KLF5: variants seen among roughly 807,000 people sequenced by gnomAD.
The protein encoded by KLF5 is Krueppel-like factor 5.
KLF5 carries 9 observed loss-of-function variants against 36.9 expected under a neutral mutation model. The observed-to-expected ratio is 0.24, with a 90% confidence interval of 0.15 to 0.43. The LOEUF (loss-of-function observed/expected upper bound fraction) is 0.43, where lower values mean the gene tolerates loss of function less well. KLF5 is among the 20% of genes least tolerant of loss of function. The pLI is 1.00. For synonymous variants in KLF5, 246 were observed against 241.7 expected (o/e 1.02, Z -0.17); for missense variants, 524 against 599.5 (o/e 0.87, Z 1.31).
Position 73,062,491 on chromosome 13 carries a change from A to G in KLF5, c.892A>G (p.Thr298Ala), listed in dbSNP as rs751218090. 4 of 1,614,172 alleles carry G rather than the reference A, an allele frequency of 2.5e-6. No homozygotes were observed. Among genetic ancestry groups the G allele is most frequent in the East Asian group, 2.2e-5 (1 of 44,890 alleles). Residue 298 changes from threonine to alanine, a missense_variant, in exon 2 of 4, where the codon ACT becomes GCT. Coordinates refer to ENST00000377687, the MANE Select transcript of KLF5 (RefSeq NM_001730.5). ...MPSQFLPQQA[T>A]YFPPSPPSSE... ...AAGTCAGTTTCTTCCACAACAGGCCACTTACTTTCCCCCGTCACCACCAAG... is the reference window on the plus strand; with the variant it reads ...AAGTCAGTTTCTTCCACAACAGGCCGCTTACTTTCCCCCGTCACCACCAAG...
intron 3 of KLF5, among the ~76,000 whole-genome samples, chr13:73,072,631 T>C (rs905553338): frequency 6.6e-6 from 1 of 152,230 alleles, no homozygotes; most frequent in African/African-American, 2.4e-5. Flanking sequence ...GGATTCTTAA[T>C]GTGGAGCTCA....
intron 1 of KLF5, chr13:73,059,873 C>T (rs2044619424): frequency 4.3e-6 from 4 of 930,668 alleles, no homozygotes; most frequent in Non-Finnish European, 5.1e-6. Flanking sequence ...TCACGCGCAC[C>T]TTAGTTGTTT....
At chr13:73,057,059 G>A (rs906545274), upstream of KLF5, among the ~76,000 whole-genome samples, 1 of 151,992 alleles carries the variant, frequency 6.6e-6, no homozygotes, top group East Asian at 1.9e-4. Flanking sequence ...TTGAAAGACC[G>A]GGCCACTGAA....
chr13:73,062,670 C>G lies in KLF5; in HGVS notation c.1071C>G (p.Val357=), dbSNP rs2139105062. The change falls in exon 2 of 4, where the codon GTC becomes GTG. Residue 357 remains valine, a synonymous_variant. Coordinates refer to ENST00000377687, the MANE Select transcript of KLF5 (RefSeq NM_001730.5). ...LPVNSQNIQP[V]RYNRRSNPDL... ...TTAACTCACAAAACATCCAACCTGT[C>G]AGATACAATAGAAGGAGTAACCCCG... 1 of 1,614,138 alleles carries G rather than the reference C, an allele frequency of 6.2e-7. No individual in the cohort carries two copies. The highest frequency in any genetic ancestry group is 8.5e-7 in the Non-Finnish European group (1 of 1,180,004).
chr13:73,060,110 A>G (rs2044622068), intron 1 of KLF5, among the ~76,000 whole-genome samples: 1 of 148,592 alleles, frequency 6.7e-6, no homozygotes, highest in African/African-American at 2.5e-5. Flanking sequence ...CGTTTGGAAA[A>G]TGAGAGTTAG....
chr13:73,062,811 G>T, intron 2 of KLF5, 77 bp downstream of exon 2: 1 of 1,275,982 alleles, frequency 7.8e-7, no homozygotes, highest in South Asian at 1.3e-5. Context: ...GCGCGTGTGC[G>T]TGTGTGCACG....
At chr13:73,064,099 C>T (rs2044661819) in intron 3 of KLF5, among the ~76,000 whole-genome samples, 2 of 151,542 alleles carry the variant, frequency 1.3e-5, no homozygotes, top group African/African-American at 4.9e-5. Context: ...TCACTAAGGC[C>T]TTCTTGCCCT....
intron 3 of KLF5, among the ~76,000 whole-genome samples, chr13:73,064,832 G>A (rs565802661): frequency 4.1e-4 from 62 of 152,248 alleles, no homozygotes; most frequent in African/African-American, 1.3e-3. Context: ...GTGAGCCACC[G>A]CGCCCGACCA....
intron 3 of KLF5, among the ~76,000 whole-genome samples, chr13:73,068,751 A>G (rs2044700534): frequency 6.6e-6 from 1 of 151,646 alleles, no homozygotes; most frequent in Non-Finnish European, 1.5e-5. Context: ...TTTGCTCCAA[A>G]GTCATTTTTC....
In KLF5 at chr13:73,076,842, G is replaced by A. The variant is rs1339179167; in HGVS notation, c.*956G>A. ...ATGATGCAGTTTCAAGTACCAAAAC[G>A]TTGAATTGATGATGCAGTTTTCATA... On this transcript the variant is annotated 3_prime_UTR_variant, in exon 4 of 4. Coordinates refer to ENST00000377687, the MANE Select transcript of KLF5 (RefSeq NM_001730.5). The A allele has an allele frequency of 6.6e-6, 1 of 152,162 alleles. No individual in the cohort carries two copies. The highest frequency in any genetic ancestry group is 1.5e-5 in the Non-Finnish European group (1 of 68,028). The allele number at this position is 152,162 out of a possible 1,614,324, so 9.4% of individuals were successfully genotyped here.
chr13:73,073,996 A>G (rs1410870941), intron 3 of KLF5, among the ~76,000 whole-genome samples: 2 of 152,222 alleles, frequency 1.3e-5, no homozygotes, highest in Non-Finnish European at 2.9e-5. Context: ...GTGGATTGAT[A>G]GGAACCAGAA....
chr13:73,059,756 C>T, intron 1 of KLF5, 168 bp downstream of exon 1: 2 of 603,276 alleles, frequency 3.3e-6, no homozygotes, highest in Non-Finnish European at 4.0e-6. Context: ...CGGGGCCCCG[C>T]GTTTCGCTGA....
At position 73,062,419 on chromosome 13, in the gene KLF5, G is replaced by T. The variant is rs1310465796; in HGVS notation, c.820G>T (p.Ala274Ser). ...ACACACCTCTGCTGTTCCGCAGACT[G>T]CAGTGAAACAATTCCAGGGCATGCC... ...NTHTSAVPQT[A>S]VKQFQGMPPC... Residue 274 changes from alanine (A) to serine (S), a missense_variant, in exon 2 of 4, where the codon GCA (alanine) becomes TCA (serine). Ala to Ser is a moderately conservative substitution (Grantham distance 99). Coordinates refer to ENST00000377687, the MANE Select transcript of KLF5 (RefSeq NM_001730.5). 2 of 1,614,184 alleles carry T rather than the reference G, an allele frequency of 1.2e-6. No individual in the cohort carries two copies. Among genetic ancestry groups the T allele is most frequent in the Non-Finnish European group, 1.7e-6 (2 of 1,180,032 alleles).
intron 3 of KLF5, among the ~76,000 whole-genome samples, chr13:73,071,203 A>T (rs554455949): frequency 6.6e-6 from 1 of 151,828 alleles, no homozygotes; most frequent in East Asian, 2.0e-4. Context: ...AAGTGAAATG[A>T]TCTCTCCTGG....
rs956639341 is a variant in KLF5, at chr13:73,077,079, A to G, written c.*1193A>G. 6.6e-6 allele frequency: 1 copy of G among 152,622 alleles called. No homozygotes were observed. The highest frequency in any genetic ancestry group is 1.5e-5 in the Non-Finnish European group (1 of 68,026). 9.5% of individuals were successfully genotyped at this position (152,622 alleles called of 1,614,324 possible). A position where few individuals can be genotyped will look rare whatever the true frequency, so the allele number is the denominator to read the frequency against. On this transcript the variant is annotated 3_prime_UTR_variant, in exon 4 of 4. Coordinates refer to ENST00000377687, the MANE Select transcript of KLF5 (RefSeq NM_001730.5). ...TACATATATGCAATATAAAATAGTA[A>G]TGTGATGCTGATGCTGTTAACCAAA...
intron 2 of KLF5, among the ~76,000 whole-genome samples, 158 bp from the exon 3 acceptor site, chr13:73,063,666 G>C (rs2044657454): frequency 6.6e-6 from 1 of 152,134 alleles, no homozygotes; most frequent in Non-Finnish European, 1.5e-5. Context: ...ATAAGGTAAT[G>C]GGGGAGGGCT....
intron 3 of KLF5, among the ~76,000 whole-genome samples, chr13:73,067,874 T>G (rs2044692037): frequency 6.6e-6 from 1 of 151,460 alleles, no homozygotes; most frequent in Non-Finnish European, 1.5e-5. Flanking sequence ...GAAGTCTCGC[T>G]TTCGTCCCCA....
intron 1 of KLF5, among the ~76,000 whole-genome samples, chr13:73,060,936 T>A (rs2044630352): frequency 6.6e-6 from 1 of 152,154 alleles, no homozygotes; most frequent in African/African-American, 2.4e-5. Flanking sequence ...GTTTGTCAAT[T>A]TTCTGCTCTG....
chr13:73,064,353 G>A (rs972022258), intron 3 of KLF5, among the ~76,000 whole-genome samples: 3 of 152,146 alleles, frequency 2.0e-5, no homozygotes, highest in African/African-American at 7.2e-5. Flanking sequence ...TGTTTAGTAT[G>A]TTTTCTGTGC....
Sources: gnomAD v4.1 joint callset for allele counts (sites outside exome capture counted in the v4.1 genomes callset) on GRCh38, gnomAD v4.1.1 for gene constraint, MANE v1.5 for transcripts, NCBI Gene and HGNC (gene_info 2026-07-23, HGNC 2026-07-21) for gene names.